Variants in SOX6 observed in about 807,000 individuals in gnomAD.
SOX6 encodes the protein SRY-box transcription factor 6.
SOX6 carries 11 observed loss-of-function variants against 97.8 expected under a neutral mutation model. The ratio of observed to expected loss-of-function variants is 0.11; its 90% CI spans 0.07 to 0.19. SOX6 has a LOEUF of 0.19. Ranked by LOEUF, SOX6 falls within the 10% of genes least tolerant of loss-of-function variation. The pLI, the probability that SOX6 is intolerant of heterozygous loss-of-function variation, is 1.00. For synonymous variants in SOX6, 360 were observed against 371.4 expected (o/e 0.97, Z 0.35); for missense variants, 810 against 1,039.5 (o/e 0.78, Z 3.04).
At chr11:16,283,019 G>GTATATATA (rs10581082) in intron 3 of SOX6, among the ~76,000 whole-genome samples, 2 of 133,166 alleles carry the variant, frequency 1.5e-5, no homozygotes, top group Admixed American at 7.8e-5. Context: ...TGAGATGTGA[G>GTATATATA]TATATATATA....
intron 1 of SOX6, among the ~76,000 whole-genome samples, chr11:16,455,375 A>G (rs1213379365): frequency 6.6e-6 from 1 of 152,008 alleles, no homozygotes; most frequent in Non-Finnish European, 1.5e-5. Flanking sequence ...GAATACTTCA[A>G]GGACTTTTAC....
chr11:16,186,692 G>C, intron 5 of SOX6, 91 bp downstream of exon 5: 1 of 1,387,100 alleles, frequency 7.2e-7, no homozygotes, highest in Non-Finnish European at 1.0e-6. Context: ...TTTTAGGAAA[G>C]CTTACAACAA....
intron 1 of SOX6, among the ~76,000 whole-genome samples, chr11:16,350,085 G>A (rs770251846): frequency 4.6e-5 from 7 of 152,208 alleles, no homozygotes; most frequent in Non-Finnish European, 1.0e-4. Flanking sequence ...AATGAATTGA[G>A]GCTCATCAAG....
chr11:16,197,497 T>C (rs1403977397), intron 4 of SOX6, among the ~76,000 whole-genome samples: 1 of 152,232 alleles, frequency 6.6e-6, no homozygotes, highest in Non-Finnish European at 1.5e-5. Flanking sequence ...CAAACTCATA[T>C]TGTGAGTCTA....
intron 1 of SOX6, among the ~76,000 whole-genome samples, chr11:16,417,005 G>C (rs1450309008): frequency 1.3e-5 from 2 of 152,120 alleles, no homozygotes; most frequent in Non-Finnish European, 2.9e-5. Context: ...CATACTGGAC[G>C]AATTTAGCTA....
At chr11:16,029,580 G>A (rs1032196324) in intron 12 of SOX6, among the ~76,000 whole-genome samples, 3 of 151,620 alleles carry the variant, frequency 2.0e-5, no homozygotes, top group African/African-American at 7.3e-5. Context: ...AGGTTGCAAT[G>A]AGCAGAGATC....
At position 15,971,316 on chromosome 11, in the gene SOX6, C is replaced by G. The variant is rs1352603349; in HGVS notation, c.*1493G>C. 6.6e-6 allele frequency: 1 copy of G among 152,624 alleles called. No individual in the cohort carries two copies. Among genetic ancestry groups the G allele is most frequent in the Non-Finnish European group, 1.5e-5 (1 of 68,048 alleles). 9.5% of individuals were successfully genotyped at this position (152,624 alleles called of 1,614,324 possible). ...TCCTGGGGATTTTGCAATGAACTCC[C>G]TAGATGTGCCAGCTGGGACAAGGCA... is the stretch of plus-strand genomic sequence containing the variant. On this transcript the variant is annotated 3_prime_UTR_variant, in exon 16 of 16. Coordinates refer to ENST00000683767, the MANE Select transcript of SOX6 (RefSeq NM_001367873.1).
intron 4 of SOX6, among the ~76,000 whole-genome samples, chr11:16,213,235 A>C (rs2134145177): frequency 6.6e-6 from 1 of 152,110 alleles, no homozygotes; most frequent in African/African-American, 2.4e-5. Flanking sequence ...TATCAGGGAA[A>C]ATACTAGATA....
chr11:16,244,348 C>T (rs759180702), intron 3 of SOX6, among the ~76,000 whole-genome samples: 15 of 151,840 alleles, frequency 9.9e-5, no homozygotes, highest in Admixed American at 2.0e-4. Flanking sequence ...AGTCGTCTCT[C>T]AAATATATGT....
Position 16,025,757 on chromosome 11 carries a change from A to T in SOX6, c.1624-10707T>A, listed in dbSNP as rs553241598. On this transcript the variant is annotated intron_variant, in intron 12 of 15. Transcript: ENST00000683767. ...TTTTTCCCTCAGAAACATAAACACA[A>T]AAAGTGGGAAAATGTAAGGTACTGC... Among the ~76,000 whole-genome samples, 8 of 152,286 alleles carry T rather than the reference A, an allele frequency of 5.3e-5. No homozygotes were observed. In the South Asian group the frequency reaches 1.7e-3, roughly 32 times the overall value.
At chr11:16,385,532 T>C (rs939119244) in intron 1 of SOX6, among the ~76,000 whole-genome samples, 37 of 152,204 alleles carry the variant, frequency 2.4e-4, no homozygotes, top group African/African-American at 8.9e-4. Context: ...CTTATTTCCA[T>C]CACTTAAAAG....
chr11:16,055,652 C>T, intron 10 of SOX6, 100 bp downstream of exon 10: 3 of 1,461,316 alleles, frequency 2.1e-6, no homozygotes, highest in Non-Finnish European at 2.8e-6. Context: ...CTTTATGTTG[C>T]TATGTTTCCT....
In SOX6 at chr11:16,139,821, C is replaced by CAT. The variant is rs927517294; in HGVS notation, c.778-27900_778-27899dup. ...ATACTTCTCTCTATATAGATATGGA[C>CAT]ATATATATATAAAACCACAAAGTCA... On this transcript the variant is annotated intron_variant, in intron 6 of 15. Transcript: ENST00000683767. 1.3e-3 allele frequency among the ~76,000 whole-genome samples: 196 copies of CAT among 151,552 alleles called. 3 individuals are homozygous for CAT. The highest frequency in any genetic ancestry group is 2.5e-3 in the South Asian group (12 of 4,802).
intron 3 of SOX6, among the ~76,000 whole-genome samples, chr11:16,683,140 G>A (rs1202118920): frequency 7.2e-5 from 11 of 152,266 alleles, no homozygotes; most frequent in South Asian, 2.1e-4. Context: ...AATCAATATC[G>A]TGAAAATGGC....
chr11:16,145,226 A>G (rs1408258587), intron 6 of SOX6, among the ~76,000 whole-genome samples: 1 of 152,244 alleles, frequency 6.6e-6, no homozygotes, highest in Non-Finnish European at 1.5e-5. Context: ...AATCCAGCAT[A>G]TAAACAGAAC....
At chr11:16,114,949 A>G (rs1344281534) in intron 6 of SOX6, among the ~76,000 whole-genome samples, 1 of 152,236 alleles carries the variant, frequency 6.6e-6, no homozygotes, top group Non-Finnish European at 1.5e-5. Context: ...TCTTCATGAG[A>G]TAACTAACCA....
intron 15 of SOX6, among the ~76,000 whole-genome samples, chr11:15,980,467 T>C (rs904193815): frequency 6.6e-5 from 10 of 152,026 alleles, no homozygotes; most frequent in African/African-American, 2.2e-4. Context: ...TTGCTCTCTT[T>C]TATCATTATC....
At chr11:16,175,551 C>T (rs1211395581) in intron 6 of SOX6, among the ~76,000 whole-genome samples, 1 of 151,892 alleles carries the variant, frequency 6.6e-6, no homozygotes, top group African/African-American at 2.4e-5. Flanking sequence ...CGAAATAACA[C>T]ATCTTATTCT....
chr11:16,250,473 T>C (rs1007423503), intron 3 of SOX6, among the ~76,000 whole-genome samples: 17 of 152,086 alleles, frequency 1.1e-4, no homozygotes, highest in African/African-American at 4.1e-4. Context: ...AGGTTGTTTA[T>C]AACAGATAAA....
Sources: gnomAD v4.1 joint callset for allele counts (sites outside exome capture counted in the v4.1 genomes callset) on GRCh38, gnomAD v4.1.1 for gene constraint, MANE v1.5 for transcripts, NCBI Gene and HGNC (gene_info 2026-07-23, HGNC 2026-07-21) for gene names.